Variants in MTCH2 observed in about 807,000 individuals in gnomAD.
The protein encoded by MTCH2 is mitochondrial carrier homolog 2.
Under a neutral mutation model 50.6 loss-of-function variants are expected in MTCH2, and 25 were observed. The observed-to-expected ratio is 0.49, with a 90% CI of 0.36 to 0.69. The LOEUF (loss-of-function observed/expected upper bound fraction) is 0.69, where lower values mean the gene tolerates loss of function less well. Ranked by LOEUF, MTCH2 falls within the 30% of genes least tolerant of loss-of-function variation. MTCH2 has a pLI of 0.00. For missense variants in MTCH2, 273 were observed against 384.4 expected, an observed-to-expected ratio of 0.71 and a Z score of 2.42; for synonymous variants, 106 against 132.0, an observed-to-expected ratio of 0.80 and a Z score of 1.35.
At chr11:47,612,518 C>T (rs554675070), downstream of MTCH2, among the ~76,000 whole-genome samples, 11 of 151,972 alleles carry the variant, frequency 7.2e-5, no homozygotes, top group African/African-American at 1.2e-4. Flanking sequence ...GAGCCGAGAT[C>T]GTGCCACTGC....
chr11:47,614,054 CAGAG>C (rs902598332), downstream of MTCH2, among the ~76,000 whole-genome samples: 133 of 151,538 alleles, frequency 8.8e-4, no homozygotes, highest in African/African-American at 3.0e-3. Context: ...CACTGCAAGA[CAGAG>C]AGAGACCTTG....
chr11:47,642,487 G>A lies in MTCH2; in HGVS notation c.-22C>T. The A allele has an allele frequency of 6.8e-7, 1 of 1,477,432 alleles. No homozygotes were observed. Among genetic ancestry groups the A allele is most frequent in the Non-Finnish European group, 9.0e-7 (1 of 1,116,806 alleles). The allele number at this position is 1,477,432 out of a possible 1,614,324, so 91.5% of individuals were successfully genotyped here. ...CCATGATGGCACCCGCGGGCGGACG[G>A]ACAGACAGACGGAGCCACCAAGCGA... On this transcript the variant is annotated 5_prime_UTR_variant, in exon 1 of 13. Coordinates refer to ENST00000302503, the MANE Select transcript of MTCH2 (RefSeq NM_014342.4).
the MTCH2 span, among the ~76,000 whole-genome samples, chr11:47,607,723 A>G: frequency 6.6e-6 from 1 of 152,200 alleles, no homozygotes; most frequent in Non-Finnish European, 1.5e-5. Flanking sequence ...TGCCATGTGG[A>G]GAGCCCGTCG....
At position 47,627,119 on chromosome 11, in the gene MTCH2, G is replaced by A; in HGVS notation, c.642C>T (p.Thr214=). 6.3e-7 allele frequency: 1 copy of A among 1,598,388 alleles called. No homozygotes were observed. Among genetic ancestry groups the A allele is most frequent in the East Asian group, 2.2e-5 (1 of 44,664 alleles). The change falls in exon 10 of 13, where the codon ACC becomes ACT. Residue 214 remains threonine, a synonymous_variant. Coordinates refer to ENST00000302503, the MANE Select transcript of MTCH2 (RefSeq NM_014342.4). ...GAGAATAACTCTTCATTTCATTCAT[G>A]GTAGAAACCTAAAATAGGAAAAGAG... The part of the protein sequence containing the change: ...NTYALDSGVS[T]MNEMKSYSQA...
intron 8 of MTCH2, among the ~76,000 whole-genome samples, chr11:47,629,751 T>TA (rs370201913): frequency 0.11 from 16,214 of 141,096 alleles, 955 homozygotes; most frequent in Non-Finnish European, 0.15. Context: ...CTCTGAAAAT[T>TA]AAAAAAAAAA....
intron 8 of MTCH2, chr11:47,629,282 A>G: frequency 2.1e-6 from 1 of 477,342 alleles, no homozygotes; most frequent in South Asian, 2.2e-5. Context: ...GGTCGGCTAT[A>G]CCCTCAGTGG....
intron 1 of MTCH2, among the ~76,000 whole-genome samples, 171 bp downstream of exon 1, chr11:47,642,204 AAGCG>A (rs1311984257): frequency 6.6e-6 from 1 of 152,122 alleles, no homozygotes; most frequent in African/African-American, 2.4e-5. Context: ...CGAGGCCCCC[AAGCG>A]GGGCCGCGGG....
chr11:47,607,655 C>G, the MTCH2 span, among the ~76,000 whole-genome samples: 3 of 152,198 alleles, frequency 2.0e-5, no homozygotes, highest in African/African-American at 7.2e-5. Flanking sequence ...TTTGCTCTTT[C>G]TCTGGAATCA....
At position 47,618,574 on chromosome 11, in the gene MTCH2, C is replaced by CT. The variant is rs1026746214; in HGVS notation, c.*258dup. 13 of 421,734 alleles carry CT rather than the reference C, an allele frequency of 3.1e-5. No individual in the cohort carries two copies. The highest frequency in any genetic ancestry group is 5.1e-5 in the Non-Finnish European group (12 of 235,946). The allele number at this position is 421,734 out of a possible 1,614,324, so 26.1% of individuals were successfully genotyped here. A position where few individuals can be genotyped will look rare whatever the true frequency, so the allele number is the denominator to read the frequency against. On this transcript the variant is annotated 3_prime_UTR_variant, in exon 13 of 13. Transcript: ENST00000302503. The stretch of plus-strand genomic sequence containing the variant: ...TGCCTGTAGCTTCAGGAAAATACAA[C>CT]TTTTTTTCCCTTCTGGTTAAGTAAA...
chr11:47,637,191 T>C (rs908157663), intron 3 of MTCH2, among the ~76,000 whole-genome samples: 3 of 152,136 alleles, frequency 2.0e-5, no homozygotes, highest in African/African-American at 4.8e-5. Flanking sequence ...TGTTTCACCA[T>C]GTTGGCCAGG....
At chr11:47,633,529 T>G (rs1485794736) in intron 5 of MTCH2, among the ~76,000 whole-genome samples, 1 of 24,048 alleles carries the variant, frequency 4.2e-5, no homozygotes, top group Non-Finnish European at 9.8e-5. Context: ...TATATATATT[T>G]TTTTTTTTTT....
intron 8 of MTCH2, 80 bp downstream of exon 8, chr11:47,630,475 A>G (rs2097302034): frequency 6.6e-6 from 8 of 1,218,968 alleles, no homozygotes; most frequent in Non-Finnish European, 9.7e-6. Flanking sequence ...CCCAAGGATT[A>G]AACAAAGACT....
chr11:47,632,093 G>A (rs1016904955), intron 5 of MTCH2, among the ~76,000 whole-genome samples: 2 of 151,928 alleles, frequency 1.3e-5, no homozygotes, highest in Admixed American at 1.3e-4. Flanking sequence ...TCTCTTATTG[G>A]TAAGTGATTT....
intron 8 of MTCH2, among the ~76,000 whole-genome samples, chr11:47,629,653 T>A (rs542647624): frequency 2.3e-4 from 35 of 152,188 alleles, no homozygotes; most frequent in Non-Finnish European, 4.7e-4. Context: ...AGCATCAATG[T>A]TTTTTAATCT....
chr11:47,626,076 T>A (rs552093269), intron 10 of MTCH2, among the ~76,000 whole-genome samples: 6 of 152,056 alleles, frequency 3.9e-5, no homozygotes, highest in Non-Finnish European at 8.8e-5. Flanking sequence ...AATGGTGTGA[T>A]ATTGGCTCAC....
chr11:47,625,618 C>G, intron 11 of MTCH2, 56 bp downstream of exon 11: 1 of 1,072,660 alleles, frequency 9.3e-7, no homozygotes, highest in Non-Finnish European at 1.2e-6. Flanking sequence ...CAAGGCTGCT[C>G]CGCCTGTCAG....
In MTCH2 at chr11:47,632,754, A is replaced by G. The variant is rs528461275; in HGVS notation, c.370-1043T>C. Among the ~76,000 whole-genome samples the G allele has an allele frequency of 2.6e-5, 4 of 151,640 alleles. No individual in the cohort carries two copies. The East Asian group carries it at 7.8e-4, about 29-fold the overall frequency. On this transcript the variant is annotated intron_variant, in intron 5 of 12. Transcript: ENST00000302503. Reference sequence around the variant, plus strand: ...TGCTCTGTTGCCCGGGCTGGAGTGCAGTGGTGCGATCTCAGCTTGCTGCAA... The same window carrying G: ...TGCTCTGTTGCCCGGGCTGGAGTGCGGTGGTGCGATCTCAGCTTGCTGCAA...
chr11:47,607,770 C>T, the MTCH2 span, among the ~76,000 whole-genome samples: 1 of 152,206 alleles, frequency 6.6e-6, no homozygotes, highest in Non-Finnish European at 1.5e-5. Context: ...AAGACCGAAT[C>T]CCGATGCCCT....
At chr11:47,611,238 T>A in the MTCH2 span, among the ~76,000 whole-genome samples, 2 of 152,248 alleles carry the variant, frequency 1.3e-5, no homozygotes, top group African/African-American at 2.4e-5. Flanking sequence ...GTTGCATTTA[T>A]AAACTCTAAA....
Sources: gnomAD v4.1 joint callset for allele counts (sites outside exome capture counted in the v4.1 genomes callset) on GRCh38, gnomAD v4.1.1 for gene constraint, MANE v1.5 for transcripts, NCBI Gene and HGNC (gene_info 2026-07-23, HGNC 2026-07-21) for gene names.